The following TMEM164 variants were observed in gnomAD, a reference collection of about 807,000 sequenced individuals.
The protein encoded by TMEM164 is transmembrane protein 164, also known as RP13-360B22.2.
TMEM164 carries 4 observed loss-of-function variants against 18.8 expected under a neutral mutation model. That is an observed-to-expected ratio of 0.21 (90% CI 0.10 to 0.49). TMEM164 has a LOEUF of 0.49. TMEM164 is among the 20% of genes least tolerant of loss of function. TMEM164 has a pLI of 0.98. For missense variants in TMEM164, 108 were observed against 239.9 expected, an observed-to-expected ratio of 0.45 and a Z score of 3.63; for synonymous variants, 86 against 101.7, an observed-to-expected ratio of 0.85 and a Z score of 0.93.
At chrX:110,084,367 G>GTA (rs1368387717) in intron 3 of TMEM164, among the ~76,000 whole-genome samples, 740 of 17,554 alleles carry the variant, frequency 0.042, 101 homozygotes, top group Middle Eastern at 0.083. Context: ...ATATAGTATA[G>GTA]TATATATATA....
At position 110,003,488 on chromosome X, in the gene TMEM164, T is replaced by A; in HGVS notation, c.-274-13T>A. The A allele has an allele frequency of 4.1e-6, 1 of 241,663 alleles. No individual in the cohort carries two copies. The highest frequency in any genetic ancestry group is 2.9e-5 in the African/African-American group (1 of 33,903). The allele number at this position is 241,663 out of a possible 1,213,427, so 19.9% of individuals were successfully genotyped here. On this transcript the variant is annotated splice_polypyrimidine_tract_variant and intron_variant, in intron 1 of 6. Coordinates refer to ENST00000372068, the MANE Select transcript of TMEM164 (RefSeq NM_032227.4). The stretch of plus-strand genomic sequence containing the variant: ...AGACCTCTTTTTTTTTTTTTTCCTC[T>A]CCTTCCTTTTAGATTGGCCAACGGC...
At chrX:110,149,184 TA>T (rs1187291257) in intron 5 of TMEM164, among the ~76,000 whole-genome samples, 2 of 111,523 alleles carry the variant, frequency 1.8e-5, no homozygotes, top group African/African-American at 6.5e-5. Context: ...TAACACAGTT[TA>T]TATACAAAAC....
intron 4 of TMEM164, among the ~76,000 whole-genome samples, chrX:110,122,982 T>C (rs2066472699): frequency 8.9e-6 from 1 of 112,493 alleles, no homozygotes; most frequent in Non-Finnish European, 1.9e-5. Flanking sequence ...TCTAAGAAAC[T>C]GTTGTCTAGT....
chrX:110,133,421 G>T lies in TMEM164; in HGVS notation c.508-11377G>T, dbSNP rs962971921. On this transcript the variant is annotated intron_variant, in intron 4 of 6. Transcript: ENST00000372068. The stretch of plus-strand genomic sequence containing the variant: ...ATGCCTCAGCCTCCCAAAGTGCTGG[G>T]ATTACAGGCATGAGCCACCGCGCCC... Among the ~76,000 whole-genome samples the T allele has an allele frequency of 8.9e-5, 10 of 111,991 alleles. No homozygotes were observed. In the East Asian group the frequency reaches 1.1e-3, roughly 13 times the overall value.
chrX:110,174,296 T>C lies in TMEM164; in HGVS notation c.*845T>C, dbSNP rs1265686782. The C allele has an allele frequency of 9.0e-6, 1 of 111,148 alleles. No individual in the cohort carries two copies. Among genetic ancestry groups the C allele is most frequent in the Non-Finnish European group, 1.9e-5 (1 of 52,967 alleles). The allele number at this position is 111,148 out of a possible 1,213,427, so 9.2% of individuals were successfully genotyped here. On this transcript the variant is annotated 3_prime_UTR_variant, in exon 7 of 7. Coordinates refer to ENST00000372068, the MANE Select transcript of TMEM164 (RefSeq NM_032227.4). ...CATACACTCTGTTTTAGGAAAATGTTGATAATAGATACCATTTTAATCTTG... is the reference window on the plus strand; with the variant it reads ...CATACACTCTGTTTTAGGAAAATGTCGATAATAGATACCATTTTAATCTTG...
intron 4 of TMEM164, among the ~76,000 whole-genome samples, chrX:110,120,836 T>C (rs1374054896): frequency 8.9e-6 from 1 of 112,003 alleles, no homozygotes; most frequent in Non-Finnish European, 1.9e-5. Flanking sequence ...AGTGAGAACA[T>C]GTGGTAGTTA....
At chrX:110,112,949 G>A (rs1322305173) in intron 4 of TMEM164, among the ~76,000 whole-genome samples, 1 of 110,953 alleles carries the variant, frequency 9.0e-6, no homozygotes, top group African/African-American at 3.3e-5. Context: ...TGAATTTTGG[G>A]GGGACACAAT....
Position 110,033,218 on chromosome X carries a change from T to A in TMEM164, c.390+29054T>A, listed in dbSNP as rs749786014. Among the ~76,000 whole-genome samples the A allele has an allele frequency of 6.2e-5, 7 of 112,138 alleles. No individual in the cohort carries two copies. The South Asian group carries it at 2.6e-3, about 41-fold the overall frequency. On this transcript the variant is annotated intron_variant, in intron 2 of 6. Coordinates refer to ENST00000372068, the MANE Select transcript of TMEM164 (RefSeq NM_032227.4). ...AAAGCTAGCAGAATTACATGCAAAT[T>A]GTTCCATTTTATAAGGTGCCCAAAT... is the stretch of plus-strand genomic sequence containing the variant.
At chrX:110,094,589 G>A (rs1300977337) in intron 3 of TMEM164, among the ~76,000 whole-genome samples, 1 of 111,565 alleles carries the variant, frequency 9.0e-6, no homozygotes, top group East Asian at 2.8e-4. Context: ...CATGAGATGG[G>A]TCTCCTGAAT....
At chrX:110,051,593 A>AAAGAAAG (rs1555991742) in intron 2 of TMEM164, among the ~76,000 whole-genome samples, 3 of 102,959 alleles carry the variant, frequency 2.9e-5, no homozygotes, top group African/African-American at 6.9e-5. Context: ...CAAAAAAAAA[A>AAAGAAAG]AAAGAAAGAA....
intron 5 of TMEM164, among the ~76,000 whole-genome samples, chrX:110,170,744 C>T (rs745459031): frequency 8.9e-6 from 1 of 112,047 alleles, no homozygotes; most frequent in African/African-American, 3.2e-5. Flanking sequence ...TAAGATAATG[C>T]CAGCATTTAA....
chrX:110,024,684 G>A (rs1003851299), intron 2 of TMEM164, among the ~76,000 whole-genome samples: 1 of 112,047 alleles, frequency 8.9e-6, no homozygotes, highest in African/African-American at 3.2e-5. Flanking sequence ...AATACGAGAT[G>A]CCATGTTTTA....
chrX:110,103,159 G>A (rs778467960), intron 3 of TMEM164, among the ~76,000 whole-genome samples: 15 of 112,460 alleles, frequency 1.3e-4, no homozygotes, highest in Non-Finnish European at 2.3e-4. Flanking sequence ...TGGCTATCTT[G>A]TGTTCTTTTG....
chrX:110,113,217 A>G (rs1285832335), intron 4 of TMEM164, among the ~76,000 whole-genome samples: 1 of 112,565 alleles, frequency 8.9e-6, no homozygotes, highest in Non-Finnish European at 1.9e-5. Context: ...CTGTCTCTTA[A>G]CTAGTGATTC....
intron 2 of TMEM164, among the ~76,000 whole-genome samples, chrX:110,044,866 C>T (rs1452030397): frequency 9.1e-6 from 1 of 109,955 alleles, no homozygotes; most frequent in Non-Finnish European, 1.9e-5. Context: ...ATTATTGTTG[C>T]AACAGGGAAT....
At chrX:110,094,374 T>C (rs1362688280) in intron 3 of TMEM164, among the ~76,000 whole-genome samples, 1 of 112,236 alleles carries the variant, frequency 8.9e-6, no homozygotes, top group African/African-American at 3.2e-5. Context: ...GCTCCTGTAG[T>C]GGGTGCATAT....
intron 6 of TMEM164, among the ~76,000 whole-genome samples, 188 bp from the exon 7 acceptor site, chrX:110,173,057 C>G (rs1021648408): frequency 1.8e-5 from 2 of 111,940 alleles, no homozygotes; most frequent in African/African-American, 6.5e-5. Flanking sequence ...TCCGCCATCA[C>G]CTCCAGAGGC....
chrX:110,104,958 A>G (rs1222076551), intron 3 of TMEM164, among the ~76,000 whole-genome samples: 2 of 111,971 alleles, frequency 1.8e-5, no homozygotes, highest in African/African-American at 6.5e-5. Flanking sequence ...GACTAACCAA[A>G]TATAAGTCTG....
At chrX:110,171,644 C>G in intron 6 of TMEM164, 124 bp downstream of exon 6, 1 of 602,668 alleles carries the variant, frequency 1.7e-6, no homozygotes, top group Non-Finnish European at 2.8e-6. Context: ...GCCAGGATGT[C>G]AGATTGTTGT....
Sources: allele counts gnomAD v4.1 joint callset (sites outside exome capture counted in the v4.1 genomes callset), GRCh38; gene constraint gnomAD v4.1.1; transcripts MANE v1.5; gene names NCBI Gene and HGNC (gene_info 2026-07-23, HGNC 2026-07-21).